Variants in CDH18 observed in about 807,000 individuals in gnomAD.
The protein encoded by CDH18 is cadherin 18.
In CDH18, 31 loss-of-function variants were observed where a neutral mutation model predicts 67.9. That is an observed-to-expected ratio of 0.46 (90% CI 0.34 to 0.62). CDH18 has a LOEUF of 0.62. Ranked by LOEUF, CDH18 falls within the 20% of genes least tolerant of loss-of-function variation. The pLI is 0.01. For synonymous variants in CDH18, 362 were observed against 347.2 expected, an observed-to-expected ratio of 1.04 and a Z score of -0.48; for missense variants, 890 against 975.5, an observed-to-expected ratio of 0.91 and a Z score of 1.17.
chr5:19,556,839 T>C (rs1487260570), intron 8 of CDH18, among the ~76,000 whole-genome samples: 1 of 152,066 alleles, frequency 6.6e-6, no homozygotes, highest in Non-Finnish European at 1.5e-5. Flanking sequence ...TTATCTAATG[T>C]CAAGATGAAG....
chr5:19,564,079 G>A (rs1739942453), intron 8 of CDH18, among the ~76,000 whole-genome samples: 1 of 152,210 alleles, frequency 6.6e-6, no homozygotes, highest in African/African-American at 2.4e-5. Flanking sequence ...CAAAACCTGA[G>A]TTCTGGCTAG....
At chr5:20,493,862 C>T (rs1406844207) in intron 1 of CDH18, among the ~76,000 whole-genome samples, 4 of 151,892 alleles carry the variant, frequency 2.6e-5, no homozygotes, top group Non-Finnish European at 4.4e-5. Flanking sequence ...GGTGTTACAT[C>T]GGGTCTGACT....
intron 2 of CDH18, among the ~76,000 whole-genome samples, chr5:20,243,263 T>C (rs1054337832): frequency 6.6e-6 from 1 of 152,170 alleles, no homozygotes; most frequent in East Asian, 1.9e-4. Context: ...TTTAATGTGT[T>C]ATAACTTTGT....
intron 8 of CDH18, among the ~76,000 whole-genome samples, chr5:19,570,405 C>T (rs1175942079): frequency 6.6e-6 from 1 of 152,072 alleles, no homozygotes; most frequent in African/African-American, 2.4e-5. Flanking sequence ...TGTTGAATAT[C>T]TACATTTGTG....
At chr5:20,574,296 C>T (rs1447903580) in intron 1 of CDH18, among the ~76,000 whole-genome samples, 2 of 151,738 alleles carry the variant, frequency 1.3e-5, no homozygotes, top group African/African-American at 4.8e-5. Context: ...ATTCTAAATT[C>T]AGACATGTGG....
Position 19,691,095 on chromosome 5 carries a change from C to A in CDH18, c.643+30252G>T, listed in dbSNP as rs1375803337. Among the ~76,000 whole-genome samples the A allele has an allele frequency of 7.9e-5, 12 of 151,712 alleles. 1 individual carries two copies. The East Asian group carries it at 2.3e-3, about 29-fold the overall frequency. On this transcript the variant is annotated intron_variant, in intron 5 of 12. Coordinates refer to ENST00000382275, the MANE Select transcript of CDH18 (RefSeq NM_004934.5). Reference sequence around the variant, plus strand: ...ATATCATGATAAAGTGGAAGGCATGCCAAGGATGCAAGCACCGATTGTTTA... The same window carrying A: ...ATATCATGATAAAGTGGAAGGCATGACAAGGATGCAAGCACCGATTGTTTA...
At chr5:19,721,663 A>G (rs541716129) in intron 4 of CDH18, among the ~76,000 whole-genome samples, 197 bp from the exon 5 acceptor site, 1 of 152,290 alleles carries the variant, frequency 6.6e-6, no homozygotes, top group Non-Finnish European at 1.5e-5. Flanking sequence ...GAGAGTCTAA[A>G]ATATAATATT....
At chr5:20,070,783 C>G (rs549475476) in intron 2 of CDH18, among the ~76,000 whole-genome samples, 2 of 152,206 alleles carry the variant, frequency 1.3e-5, no homozygotes, top group Non-Finnish European at 2.9e-5. Context: ...ATAAACTTCT[C>G]TAAAATTTAA....
chr5:20,219,011 G>A (rs1286979393), intron 2 of CDH18, among the ~76,000 whole-genome samples: 1 of 150,704 alleles, frequency 6.6e-6, no homozygotes, highest in Non-Finnish European at 1.5e-5. Flanking sequence ...AAGAAAATAA[G>A]TAACAAAAAT....
chr5:20,561,756 G>A (rs974244469), intron 1 of CDH18, among the ~76,000 whole-genome samples: 1 of 151,688 alleles, frequency 6.6e-6, no homozygotes, highest in Admixed American at 6.6e-5. Flanking sequence ...ATTCAAAAGA[G>A]AAAAAAATTA....
intron 2 of CDH18, among the ~76,000 whole-genome samples, chr5:19,897,140 A>C (rs1789434046): frequency 6.6e-6 from 1 of 152,144 alleles, no homozygotes; most frequent in Non-Finnish European, 1.5e-5. Flanking sequence ...CATTAATAGA[A>C]TGAAAAAGCA....
intron 1 of CDH18, among the ~76,000 whole-genome samples, chr5:20,479,712 G>A (rs1413907621): frequency 6.6e-6 from 1 of 152,050 alleles, no homozygotes; most frequent in African/African-American, 2.4e-5. Flanking sequence ...AGAGACGGGG[G>A]TAGAAAGTTT....
chr5:19,954,805 C>T (rs1279756755), intron 2 of CDH18, among the ~76,000 whole-genome samples: 2 of 151,582 alleles, frequency 1.3e-5, no homozygotes, highest in Non-Finnish European at 2.9e-5. Flanking sequence ...TTCAAACTTA[C>T]GTCAACCCAA....
intron 1 of CDH18, among the ~76,000 whole-genome samples, chr5:20,423,659 C>G (rs1748035345): frequency 6.6e-6 from 1 of 150,702 alleles, no homozygotes; most frequent in Non-Finnish European, 1.5e-5. Flanking sequence ...AAAAATTTTC[C>G]TAGAGGCCGG....
At chr5:19,879,364 C>T (rs114343100) in intron 2 of CDH18, among the ~76,000 whole-genome samples, 4,501 of 151,846 alleles carry the variant, frequency 0.03, 247 homozygotes, top group African/African-American at 0.1. Flanking sequence ...CATATTAATA[C>T]ATTAAATACT....
chr5:19,894,157 G>GA (rs1172258749), intron 2 of CDH18, among the ~76,000 whole-genome samples: 5 of 151,834 alleles, frequency 3.3e-5, no homozygotes, highest in Non-Finnish European at 5.9e-5. Context: ...AGAATCTCTA[G>GA]AAAAAATCCA....
chr5:20,505,003 G>A (rs1057221200), intron 1 of CDH18, among the ~76,000 whole-genome samples: 21 of 151,916 alleles, frequency 1.4e-4, no homozygotes, highest in Non-Finnish European at 2.4e-4. Context: ...TCCTGACCTC[G>A]TGATCCAGCC....
At chr5:20,226,107 T>C (rs1741604768) in intron 2 of CDH18, among the ~76,000 whole-genome samples, 1 of 152,112 alleles carries the variant, frequency 6.6e-6, no homozygotes, top group South Asian at 2.1e-4. Context: ...CGGAAATCTT[T>C]ATTGTTTTTA....
chr5:19,553,829 T>C (rs1737898688), intron 8 of CDH18, among the ~76,000 whole-genome samples: 2 of 151,798 alleles, frequency 1.3e-5, no homozygotes, highest in African/African-American at 4.8e-5. Flanking sequence ...AGACAGTGTT[T>C]TGTCATGTTG....
Sources: allele counts gnomAD v4.1 joint callset (sites outside exome capture counted in the v4.1 genomes callset), GRCh38; gene constraint gnomAD v4.1.1; transcripts MANE v1.5; gene names NCBI Gene and HGNC (gene_info 2026-07-23, HGNC 2026-07-21).